The following ARHGEF5 variants were observed in gnomAD, a reference collection of about 807,000 sequenced individuals.
ARHGEF5 encodes the protein Rho guanine nucleotide exchange factor (GEF) 5.
ARHGEF5 carries 11 observed loss-of-function variants against 104.0 expected under a neutral mutation model. The observed-to-expected ratio is 0.11, with a 90% CI of 0.07 to 0.18. The LOEUF (loss-of-function observed/expected upper bound fraction) is 0.18, where lower values mean the gene tolerates loss of function less well. Ranked by LOEUF, ARHGEF5 falls within the 10% of genes least tolerant of loss-of-function variation. The pLI, the probability that ARHGEF5 is intolerant of heterozygous loss-of-function variation, is 1.00. For synonymous variants in ARHGEF5, 60 were observed against 512.2 expected, an observed-to-expected ratio of 0.12 and a Z score of 11.92; for missense variants, 165 against 1,335.4, an observed-to-expected ratio of 0.12 and a Z score of 13.66.
At chr7:144,374,111 G>T (rs201949362) in intron 10 of ARHGEF5, among the ~76,000 whole-genome samples, 97 of 105,852 alleles carry the variant, frequency 9.2e-4, no homozygotes, top group Non-Finnish European at 1.7e-3. Context: ...CAAAGTGCTG[G>T]GATTATAGGC....
intron 1 of ARHGEF5, among the ~76,000 whole-genome samples, chr7:144,361,012 G>A (rs1375579169): frequency 1.4e-5 from 2 of 145,194 alleles, no homozygotes; most frequent in Admixed American, 6.9e-5. Flanking sequence ...GGTGGATAAC[G>A]AGGTCAGGAG....
chr7:144,370,666 A>G (rs1469074929), intron 5 of ARHGEF5, among the ~76,000 whole-genome samples: 2 of 148,942 alleles, frequency 1.3e-5, no homozygotes, highest in African/African-American at 5.0e-5. Flanking sequence ...GGGTCTCTCT[A>G]CGTCGCCCAG....
intron 1 of ARHGEF5, among the ~76,000 whole-genome samples, chr7:144,359,464 A>AG (rs1289181382): frequency 1.4e-5 from 2 of 143,434 alleles, no homozygotes; most frequent in African/African-American, 5.1e-5. Flanking sequence ...CTTCAGGCAG[A>AG]GGGGGTTATA....
At chr7:144,378,365 G>C (rs181239438) in intron 13 of ARHGEF5, among the ~76,000 whole-genome samples, 1 of 152,334 alleles carries the variant, frequency 6.6e-6, no homozygotes, top group Admixed American at 6.5e-5. Context: ...TTATAATCCA[G>C]TTGGAGAGGC....
intron 1 of ARHGEF5, among the ~76,000 whole-genome samples, chr7:144,358,758 A>AGT (rs71222348): frequency 0.047 from 4,179 of 88,176 alleles, 49 homozygotes; most frequent in Admixed American, 0.061. Flanking sequence ...AGGATGGCTC[A>AGT]GTGTGTGTGT....
chr7:144,378,735 C>T, intron 13 of ARHGEF5, 27 bp from the exon 14 acceptor site: 1 of 1,602,566 alleles, frequency 6.2e-7, no homozygotes, highest in Non-Finnish European at 8.5e-7. Context: ...CTCTCCTAAC[C>T]TCTCTTCACA....
At position 144,373,484 on chromosome 7, in the gene ARHGEF5, A is replaced by G. The variant is rs901644036; in HGVS notation, c.4140+200A>G. Among the ~76,000 whole-genome samples the G allele has an allele frequency of 4.7e-5, 4 of 85,512 alleles. 2 individuals carry two copies. The highest frequency in any genetic ancestry group is 9.6e-5 in the Non-Finnish European group (4 of 41,736). The allele number at this position is 85,512 out of a possible 152,430, so 56.1% of individuals were successfully genotyped here. ...CTGCTAAGTGAAATGATGAAGGTAA[A>G]GAATTGTGTGTATATTATATCACCT... On this transcript the variant is annotated intron_variant, in intron 10 of 14. Transcript: ENST00000056217.
In ARHGEF5 at chr7:144,379,865, CAGGTAAT is replaced by C. The variant is rs764752693; in HGVS notation, c.4637-33_4637-27del. 7 of 1,613,130 alleles carry C rather than the reference CAGGTAAT, an allele frequency of 4.3e-6. No homozygotes were observed. In the African/African-American group the frequency reaches 6.7e-5, roughly 15 times the overall value. On this transcript the variant is annotated intron_variant, in intron 14 of 14. Coordinates refer to ENST00000056217, the MANE Select transcript of ARHGEF5 (RefSeq NM_005435.4). ...CAGAGAAGCTATCGTGAGCCTTTCC[CAGGTAAT>C]TCTTCCCACTCACCCTGTGCCCACA...
intron 13 of ARHGEF5, among the ~76,000 whole-genome samples, chr7:144,378,309 A>G (rs940012987): frequency 3.3e-5 from 5 of 152,198 alleles, no homozygotes; most frequent in African/African-American, 1.2e-4. Flanking sequence ...TTGGTTCCAC[A>G]TCTGGTACTG....
Position 144,380,252 on chromosome 7 carries a change from G to T in ARHGEF5, c.*196G>T. 1.6e-6 allele frequency: 1 copy of T among 634,802 alleles called. No individual in the cohort carries two copies. Among genetic ancestry groups the T allele is most frequent in the Non-Finnish European group, 2.6e-6 (1 of 383,172 alleles). 39.3% of individuals were successfully genotyped at this position (634,802 alleles called of 1,614,324 possible). ...TGTGCTTGGTGGGGGGGATTTCGAG[G>T]GACTTTGCACTGGACTCTGGGAACC... On this transcript the variant is annotated 3_prime_UTR_variant, in exon 15 of 15. Coordinates refer to ENST00000056217, the MANE Select transcript of ARHGEF5 (RefSeq NM_005435.4).
At chr7:144,378,525 G>A (rs1017034957) in intron 13 of ARHGEF5, among the ~76,000 whole-genome samples, 2 of 152,182 alleles carry the variant, frequency 1.3e-5, no homozygotes, top group Non-Finnish European at 2.9e-5. Flanking sequence ...TATTTGAGAT[G>A]ATCACATGTA....
chr7:144,376,978 C>T (rs1161641147), intron 12 of ARHGEF5, 142 bp from the exon 13 acceptor site: 1 of 446,314 alleles, frequency 2.2e-6, no homozygotes, highest in African/African-American at 2.4e-5. Context: ...TGTCATGTTT[C>T]CAACCAAAAA....
At chr7:144,359,409 C>CCGTCATTCATTCATACGATACATCTTTG (rs2053621028) in intron 1 of ARHGEF5, among the ~76,000 whole-genome samples, 2 of 144,682 alleles carry the variant, frequency 1.4e-5, no homozygotes, top group Non-Finnish European at 3.1e-5. Flanking sequence ...CTATATTCTT[C>CCGTCATTCATTCATACGATACATCTTTG]CGTCATTCAT....
rs893100815 is a variant in ARHGEF5, at chr7:144,379,830, G to A, written c.4637-69G>A. ...CCTGAGGATTCAGAAAACTCTCCAGGAAGGTGATCCAGAGAAGCTATCGTG... is the reference window on the plus strand; with the variant it reads ...CCTGAGGATTCAGAAAACTCTCCAGAAAGGTGATCCAGAGAAGCTATCGTG... On this transcript the variant is annotated intron_variant, in intron 14 of 14. Coordinates refer to ENST00000056217, the MANE Select transcript of ARHGEF5 (RefSeq NM_005435.4). 1.5e-5 allele frequency: 24 copies of A among 1,590,310 alleles called. No homozygotes were observed. The African/African-American group carries it at 2.8e-4, about 19-fold the overall frequency.
chr7:144,378,927 G>A, intron 14 of ARHGEF5, 61 bp downstream of exon 14: 3 of 1,495,646 alleles, frequency 2.0e-6, no homozygotes, highest in South Asian at 2.3e-5. Flanking sequence ...TGCTGGGAGT[G>A]TGTTCACTTC....
At chr7:144,361,162 G>T (rs1219428792) in intron 1 of ARHGEF5, among the ~76,000 whole-genome samples, 2 of 139,188 alleles carry the variant, frequency 1.4e-5, no homozygotes, top group Non-Finnish European at 3.2e-5. Flanking sequence ...CGGAGATGGA[G>T]GTTGCAATGA....
Position 144,380,191 on chromosome 7 carries a change from A to G in ARHGEF5, c.*135A>G. 8.3e-7 allele frequency: 1 copy of G among 1,199,416 alleles called. No individual in the cohort carries two copies. Among genetic ancestry groups the G allele is most frequent in the Non-Finnish European group, 1.2e-6 (1 of 862,750 alleles). The allele number at this position is 1,199,416 out of a possible 1,614,324, so 74.3% of individuals were successfully genotyped here. A position where few individuals can be genotyped will look rare whatever the true frequency, so the allele number is the denominator to read the frequency against. ...CAAAGCTCAAGGACAAAATCCAGCT[A>G]ACCCAGTCCCTCGGCCCAGGCCTCC... On this transcript the variant is annotated 3_prime_UTR_variant, in exon 15 of 15. Transcript: ENST00000056217.
Position 144,371,027 on chromosome 7 carries a change from T to TA in ARHGEF5, c.3532-133dup. The TA allele has an allele frequency of 3.0e-6, 4 of 1,315,812 alleles. No individual in the cohort carries two copies. In the Admixed American group the frequency reaches 7.8e-5, roughly 26 times the overall value. 81.5% of individuals were successfully genotyped at this position (1,315,812 alleles called of 1,614,324 possible). The stretch of plus-strand genomic sequence containing the variant: ...CTCTTCCCCTCCCCGCAGATCAACT[T>TA]AGGTTCTGGTGTGACTGTGAACCAT... On this transcript the variant is annotated intron_variant, in intron 5 of 14. Transcript: ENST00000056217.
In ARHGEF5 at chr7:144,377,305, A is replaced by G. The variant is rs949504660; in HGVS notation, c.4531+115A>G. On this transcript the variant is annotated intron_variant, in intron 13 of 14. Coordinates refer to ENST00000056217, the MANE Select transcript of ARHGEF5 (RefSeq NM_005435.4). ...AGGCTTTCATTTATTGATATTCCGT[A>G]AAATGTCAGGGTGGAAGATTGGCCT... The G allele has an allele frequency of 2.6e-6, 4 of 1,532,196 alleles. No individual in the cohort carries two copies. The African/African-American group carries it at 5.5e-5, about 21-fold the overall frequency. 94.9% of individuals were successfully genotyped at this position (1,532,196 alleles called of 1,614,324 possible).
Sources: allele counts gnomAD v4.1 joint callset (sites outside exome capture counted in the v4.1 genomes callset), GRCh38; gene constraint gnomAD v4.1.1; transcripts MANE v1.5; gene names NCBI Gene and HGNC (gene_info 2026-07-23, HGNC 2026-07-21).